Variants in ATP9A observed in about 807,000 individuals in gnomAD.
ATP9A encodes the protein probable phospholipid-transporting ATPase IIA.
ATP9A carries 52 observed loss-of-function variants against 144.1 expected under a neutral mutation model. The observed-to-expected ratio is 0.36, with a 90% CI of 0.29 to 0.45. ATP9A has a LOEUF of 0.45. Among genes scored for constraint, ATP9A ranks in the 20% least tolerant of loss-of-function variants. ATP9A has a pLI of 1.00. For missense variants in ATP9A, 947 were observed against 1,392.7 expected (o/e 0.68, Z 5.09); for synonymous variants, 582 against 557.4 (o/e 1.04, Z -0.62).
At position 51,625,809 on chromosome 20, in the gene ATP9A, C is replaced by G. The variant is rs560772083; in HGVS notation, c.1846-447G>C. On this transcript the variant is annotated intron_variant, in intron 17 of 27. Transcript: ENST00000338821. ...AGCTTCTGAAGACCATCAACCCAAA[C>G]TGCCGCTTCTTCTCTTTATCATGTT... Among the ~76,000 whole-genome samples the G allele has an allele frequency of 5.9e-5, 9 of 152,394 alleles. No individual in the cohort carries two copies. The East Asian group carries it at 1.2e-3, about 20-fold the overall frequency.
Position 51,598,040 on chromosome 20 carries a change from GGAGT to G in ATP9A, c.*3167_*3170del, listed in dbSNP as rs1250478665. The G allele has an allele frequency of 2.6e-5, 4 of 152,138 alleles. 1 individual carries two copies. The highest frequency in any genetic ancestry group is 1.9e-4 in the East Asian group (1 of 5,140). The allele number at this position is 152,138 out of a possible 1,614,324, so 9.4% of individuals were successfully genotyped here. A position where few individuals can be genotyped will look rare whatever the true frequency, so the allele number is the denominator to read the frequency against. On this transcript the variant is annotated 3_prime_UTR_variant, in exon 28 of 28. Coordinates refer to ENST00000338821, the MANE Select transcript of ATP9A (RefSeq NM_006045.3). ...CCCTTGGGATGCCTTCCAAGCAGCT[GGAGT>G]TAGTGCCACCTGTCTCACCTGGCAC... is the stretch of plus-strand genomic sequence containing the variant.
At chr20:51,635,015 T>G (rs1172006556) in intron 15 of ATP9A, among the ~76,000 whole-genome samples, 1 of 92,862 alleles carries the variant, frequency 1.1e-5, no homozygotes, top group Non-Finnish European at 2.2e-5. Flanking sequence ...GTACTCATGC[T>G]GTGTGTCAGC....
intron 1 of ATP9A, among the ~76,000 whole-genome samples, chr20:51,756,645 C>T (rs1601147823): frequency 6.6e-6 from 1 of 152,194 alleles, no homozygotes; most frequent in East Asian, 1.9e-4. Context: ...TGGAAAAGGG[C>T]CCATCCTAAC....
intron 14 of ATP9A, among the ~76,000 whole-genome samples, chr20:51,642,994 A>G (rs1311240895): frequency 6.6e-6 from 1 of 152,124 alleles, no homozygotes; most frequent in African/African-American, 2.4e-5. Flanking sequence ...TCTGCAAAAT[A>G]AAGATCTTGG....
At chr20:51,677,787 A>G (rs1330967739) in intron 9 of ATP9A, among the ~76,000 whole-genome samples, 1 of 148,260 alleles carries the variant, frequency 6.7e-6, no homozygotes, top group Non-Finnish European at 1.5e-5. Context: ...GAAAGTCAAC[A>G]ATTTACTCAA....
chr20:51,743,433 T>C, intron 1 of ATP9A, among the ~76,000 whole-genome samples: 1 of 109,494 alleles, frequency 9.1e-6, no homozygotes. Context: ...GGAGTCTCAC[T>C]CTGTCACCCA....
intron 14 of ATP9A, among the ~76,000 whole-genome samples, chr20:51,647,105 C>T (rs1026460808): frequency 1.3e-5 from 2 of 152,042 alleles, no homozygotes; most frequent in African/African-American, 4.8e-5. Flanking sequence ...GGCAACAGAG[C>T]AAGACTCCAT....
intron 12 of ATP9A, 63 bp from the exon 13 acceptor site, chr20:51,670,172 A>T (rs2077450126): frequency 3.1e-6 from 4 of 1,279,730 alleles, no homozygotes; most frequent in Admixed American, 1.7e-5. Flanking sequence ...TATTAACAGT[A>T]ATGACAGCTG....
intron 14 of ATP9A, among the ~76,000 whole-genome samples, chr20:51,645,181 A>AT (rs569099392): frequency 3.5e-4 from 54 of 152,312 alleles, no homozygotes; most frequent in Non-Finnish European, 7.4e-4. Context: ...TACGACAGCT[A>AT]TATCTGTAGC....
At chr20:51,690,239 T>C (rs1373120057) in intron 8 of ATP9A, among the ~76,000 whole-genome samples, 1 of 148,736 alleles carries the variant, frequency 6.7e-6, no homozygotes, top group Non-Finnish European at 1.5e-5. Context: ...GCTAACACCG[T>C]GAAAACCCGT....
At chr20:51,743,919 A>G (rs1014525975) in intron 1 of ATP9A, among the ~76,000 whole-genome samples, 7 of 151,204 alleles carry the variant, frequency 4.6e-5, no homozygotes, top group African/African-American at 1.7e-4. Flanking sequence ...AAACAGGAGA[A>G]TCGCTTGAAC....
At chr20:51,739,513 G>A (rs535582612) in intron 1 of ATP9A, among the ~76,000 whole-genome samples, 9 of 151,718 alleles carry the variant, frequency 5.9e-5, no homozygotes, top group East Asian at 2.0e-4. Context: ...CACCATGCCC[G>A]GCTAATTTTT....
At position 51,625,188 on chromosome 20, in the gene ATP9A, CT is replaced by C. The variant is rs754463394; in HGVS notation, c.2016+3del. ...TGCCCTTCCCTGCGGGCAGCCCGCCCTACCTTGATGCCAGCATTCCTCAGGG... is the reference window on the plus strand; with the variant it reads ...TGCCCTTCCCTGCGGGCAGCCCGCCCACCTTGATGCCAGCATTCCTCAGGG... On this transcript the variant is annotated splice_donor_region_variant and intron_variant, in intron 18 of 27. Coordinates refer to ENST00000338821, the MANE Select transcript of ATP9A (RefSeq NM_006045.3). 3.0e-5 allele frequency: 49 copies of C among 1,609,520 alleles called. No homozygotes were observed. In the African/African-American group the frequency reaches 5.9e-4, roughly 19 times the overall value.
In ATP9A at chr20:51,696,130, A is replaced by G. The variant is rs555537218; in HGVS notation, c.510T>C (p.Pro170=). ...LIIVEKNQRV[P]ADMIFLRTSE... The stretch of plus-strand genomic sequence containing the variant: ...ATGTCCTCAGGAAGATCATGTCGGC[A>G]GGGACCCGCTGGTTCTGTGTTATGA... Residue 170 remains proline, a synonymous_variant, in exon 6 of 28, where the codon CCT becomes CCC. Transcript: ENST00000338821. 9 of 1,613,926 alleles carry G rather than the reference A, an allele frequency of 5.6e-6. No homozygotes were observed. In the South Asian group the frequency reaches 9.9e-5, roughly 18 times the overall value.
intron 13 of ATP9A, among the ~76,000 whole-genome samples, chr20:51,659,101 C>T (rs1223512604): frequency 6.6e-6 from 1 of 152,160 alleles, no homozygotes; most frequent in Non-Finnish European, 1.5e-5. Context: ...GGAACCCCAT[C>T]CCCCAGCTCA....
Position 51,729,961 on chromosome 20 carries a change from C to G in ATP9A, c.86G>C (p.Arg29Thr). The change falls in exon 2 of 28, where the codon AGA (arginine) becomes ACA (threonine). Residue 29 changes from arginine to threonine, a missense_variant. Coordinates refer to ENST00000338821, the MANE Select transcript of ATP9A (RefSeq NM_006045.3). ...RPRAGCCEWL[R>T]CCGGGEARPR... ...CCTGGCCTCCCCTCCACCGCAGCAT[C>G]TCAGCCACTCGCAGCACCTGTGGGA... The G allele has an allele frequency of 6.4e-7, 1 of 1,555,928 alleles. No homozygotes were observed. The highest frequency in any genetic ancestry group is 8.6e-7 in the Non-Finnish European group (1 of 1,157,020).
intron 15 of ATP9A, 107 bp from the exon 16 acceptor site, chr20:51,629,179 C>T (rs1419133696): frequency 3.8e-6 from 3 of 784,190 alleles, no homozygotes; most frequent in Non-Finnish European, 6.0e-6. Context: ...TTAACAGACA[C>T]CAATGTTTTT....
intron 11 of ATP9A, among the ~76,000 whole-genome samples, chr20:51,671,744 C>T (rs1304127395): frequency 6.6e-6 from 1 of 152,092 alleles, no homozygotes; most frequent in African/African-American, 2.4e-5. Context: ...CCCCCACCAA[C>T]CCTAGCCCTG....
chr20:51,733,568 T>C (rs1290902653), intron 1 of ATP9A, among the ~76,000 whole-genome samples: 4 of 151,942 alleles, frequency 2.6e-5, no homozygotes, highest in Non-Finnish European at 5.9e-5. Flanking sequence ...AGAGACGGGG[T>C]TTCACCATGT....
Sources: allele counts gnomAD v4.1 joint callset (sites outside exome capture counted in the v4.1 genomes callset), GRCh38; gene constraint gnomAD v4.1.1; transcripts MANE v1.5; gene names NCBI Gene and HGNC (gene_info 2026-07-23, HGNC 2026-07-21).